Variants in DCC observed in about 807,000 individuals in gnomAD.
The protein encoded by DCC is netrin receptor DCC.
A neutral mutation model predicts 172.5 loss-of-function variants in DCC; 58 were observed. The ratio of observed to expected loss-of-function variants is 0.34; its 90% CI spans 0.27 to 0.42. The LOEUF (loss-of-function observed/expected upper bound fraction) is 0.42, where lower values mean the gene tolerates loss of function less well. Among genes scored for constraint, DCC ranks in the 10% least tolerant of loss-of-function variants. The probability of loss-of-function intolerance (pLI) is 1.00; values close to 1 mark genes in which losing one functional copy is unlikely to be tolerated. For missense variants in DCC, 1,740 were observed against 1,791.0 expected (o/e 0.97, Z 0.51); for synonymous variants, 709 against 644.5 (o/e 1.10, Z -1.52).
At chr18:52,782,287 C>G (rs1462445449) in intron 2 of DCC, among the ~76,000 whole-genome samples, 2 of 152,092 alleles carry the variant, frequency 1.3e-5, no homozygotes, top group Non-Finnish European at 2.9e-5. Context: ...GACTGCCAGG[C>G]AGGAGTTTTA....
intron 8 of DCC, among the ~76,000 whole-genome samples, chr18:53,167,050 T>A (rs1406386156): frequency 1.3e-5 from 2 of 152,136 alleles, no homozygotes; most frequent in East Asian, 3.9e-4. Flanking sequence ...ATGCTAAAAA[T>A]CTTTCCACTA....
At chr18:52,550,613 C>T (rs1191003910) in intron 1 of DCC, among the ~76,000 whole-genome samples, 1 of 152,058 alleles carries the variant, frequency 6.6e-6, no homozygotes, top group South Asian at 2.1e-4. Flanking sequence ...CTCCAAGGTA[C>T]ATATCCTAAT....
At chr18:52,587,024 T>A (rs2033689228) in intron 1 of DCC, among the ~76,000 whole-genome samples, 1 of 152,204 alleles carries the variant, frequency 6.6e-6, no homozygotes, top group South Asian at 2.1e-4. Flanking sequence ...AATGGTAGTC[T>A]TGGCAGAAGC....
intron 1 of DCC, among the ~76,000 whole-genome samples, chr18:52,413,617 TA>T (rs1230628046): frequency 6.6e-6 from 1 of 152,066 alleles, no homozygotes; most frequent in Non-Finnish European, 1.5e-5. Context: ...TTATATATAA[TA>T]AACATGTTAC....
At chr18:53,406,701 C>T (rs1909673985) in intron 19 of DCC, among the ~76,000 whole-genome samples, 1 of 65,972 alleles carries the variant, frequency 1.5e-5, no homozygotes, top group Non-Finnish European at 3.1e-5. Flanking sequence ...AAGACTCTGT[C>T]TCAAAAAAAA....
At position 52,534,200 on chromosome 18, in the gene DCC, A is replaced by C. The variant is rs540048681; in HGVS notation, c.91+193322A>C. ...ATGTCTAACATCTATTATTAAAACTATCAGGCACTGTATTAGATATTTGAT... is the reference window on the plus strand; with the variant it reads ...ATGTCTAACATCTATTATTAAAACTCTCAGGCACTGTATTAGATATTTGAT... On this transcript the variant is annotated intron_variant, in intron 1 of 28. Coordinates refer to ENST00000442544, the MANE Select transcript of DCC (RefSeq NM_005215.4). Among the ~76,000 whole-genome samples the C allele has an allele frequency of 8.5e-5, 13 of 152,266 alleles. No homozygotes were observed. In the East Asian group the frequency reaches 2.5e-3, roughly 29 times the overall value.
intron 5 of DCC, among the ~76,000 whole-genome samples, chr18:53,048,127 C>T (rs2042282960): frequency 6.6e-6 from 1 of 151,626 alleles, no homozygotes; most frequent in African/African-American, 2.4e-5. Flanking sequence ...ATGTTTTAAG[C>T]CTTTATTTTA....
chr18:52,397,895 C>T (rs1315772005), intron 1 of DCC, among the ~76,000 whole-genome samples: 1 of 151,894 alleles, frequency 6.6e-6, no homozygotes, highest in East Asian at 1.9e-4. Context: ...GAATATCTGT[C>T]CATCTCATGT....
chr18:52,910,534 A>G (rs1288015786), intron 3 of DCC, among the ~76,000 whole-genome samples: 1 of 152,130 alleles, frequency 6.6e-6, no homozygotes, highest in Non-Finnish European at 1.5e-5. Context: ...CTAAGAGTTG[A>G]GATGTTTTAC....
chr18:53,165,860 G>C (rs1385401387), intron 8 of DCC, among the ~76,000 whole-genome samples: 1 of 152,188 alleles, frequency 6.6e-6, no homozygotes, highest in East Asian at 1.9e-4. Flanking sequence ...ACTTAGTTAA[G>C]AGCTTTAGTG....
chr18:53,157,450 T>A lies in DCC; in HGVS notation c.1356T>A (p.Pro452=), dbSNP rs1409949064. ...SRFVRLSWRP[P]AEAKGNIQTF... ...TTGTCCGTCTCAGCTGGCGCCCACCTGCAGAAGCGAAAGGGAACATTCAAA... is the reference window on the plus strand; with the variant it reads ...TTGTCCGTCTCAGCTGGCGCCCACCAGCAGAAGCGAAAGGGAACATTCAAA... Residue 452 remains proline, a synonymous_variant, in exon 8 of 29, where the codon CCT becomes CCA. Transcript: ENST00000442544. The A allele has an allele frequency of 1.2e-6, 2 of 1,614,028 alleles. No individual in the cohort carries two copies. The highest frequency in any genetic ancestry group is 1.7e-6 in the Non-Finnish European group (2 of 1,180,010).
chr18:52,553,673 G>C lies in DCC; in HGVS notation c.92-198381G>C, dbSNP rs886651502. Among the ~76,000 whole-genome samples the C allele has an allele frequency of 7.9e-5, 12 of 152,016 alleles. No homozygotes were observed. The East Asian group carries it at 2.3e-3, about 29-fold the overall frequency. ...CCAAAAATGGTAGACAATAATGACA[G>C]TGTAAGGAGGGCAATTATAGAGCTC... On this transcript the variant is annotated intron_variant, in intron 1 of 28. Coordinates refer to ENST00000442544, the MANE Select transcript of DCC (RefSeq NM_005215.4).
chr18:53,319,893 C>A (rs2057388151), intron 13 of DCC, among the ~76,000 whole-genome samples: 1 of 152,116 alleles, frequency 6.6e-6, no homozygotes, highest in Admixed American at 6.5e-5. Context: ...AATACCTTCA[C>A]AGTAATACCT....
intron 21 of DCC, among the ~76,000 whole-genome samples, chr18:53,431,363 C>T (rs1029708351): frequency 2.0e-5 from 3 of 151,528 alleles, no homozygotes; most frequent in Admixed American, 2.0e-4. Flanking sequence ...TATCTCATTC[C>T]TCCCCATCCT....
At chr18:52,826,956 C>T (rs1239650638) in intron 2 of DCC, among the ~76,000 whole-genome samples, 3 of 152,164 alleles carry the variant, frequency 2.0e-5, no homozygotes, top group African/African-American at 7.2e-5. Context: ...ATTTACATAG[C>T]ATTTACATTA....
chr18:52,350,948 G>C (rs756322176), intron 1 of DCC, among the ~76,000 whole-genome samples: 1 of 152,106 alleles, frequency 6.6e-6, no homozygotes, highest in Non-Finnish European at 1.5e-5. Context: ...TGGCAATTTA[G>C]CTTACAGCCC....
At chr18:52,538,886 G>A (rs1456006675) in intron 1 of DCC, among the ~76,000 whole-genome samples, 1 of 152,182 alleles carries the variant, frequency 6.6e-6, no homozygotes, top group Admixed American at 6.5e-5. Flanking sequence ...TTTGAATACA[G>A]TGTATGAAAT....
intron 12 of DCC, among the ~76,000 whole-genome samples, chr18:53,295,309 T>C (rs2057053645): frequency 6.6e-6 from 1 of 152,044 alleles, no homozygotes; most frequent in South Asian, 2.1e-4. Flanking sequence ...AAAAATAGCA[T>C]ATAAGAGTAG....
chr18:53,062,705 T>C (rs543680934), intron 5 of DCC, among the ~76,000 whole-genome samples: 1 of 152,160 alleles, frequency 6.6e-6, no homozygotes, highest in African/African-American at 2.4e-5. Context: ...GTATATCACA[T>C]GCCATGCTGT....
Sources: gnomAD v4.1 joint callset for allele counts (sites outside exome capture counted in the v4.1 genomes callset) on GRCh38, gnomAD v4.1.1 for gene constraint, MANE v1.5 for transcripts, NCBI Gene and HGNC (gene_info 2026-07-23, HGNC 2026-07-21) for gene names.